SYDE1: variants seen among roughly 807,000 people sequenced by gnomAD.
SYDE1 encodes rho GTPase-activating protein SYDE1.
Under a neutral mutation model 63.3 loss-of-function variants are expected in SYDE1, and 34 were observed. That is an observed-to-expected ratio of 0.54 (90% CI 0.41 to 0.71). SYDE1 has a LOEUF of 0.71. Among genes scored for constraint, SYDE1 ranks in the 30% least tolerant of loss-of-function variants. SYDE1 has a pLI of 0.00. For synonymous variants in SYDE1, 467 were observed against 473.4 expected, an observed-to-expected ratio of 0.99 and a Z score of 0.18; for missense variants, 925 against 1,042.5, an observed-to-expected ratio of 0.89 and a Z score of 1.55.
In SYDE1 at chr19:15,114,061, G is replaced by C; in HGVS notation, c.*98G>C. 1 of 1,288,138 alleles carries C rather than the reference G, an allele frequency of 7.8e-7. No individual in the cohort carries two copies. Among genetic ancestry groups the C allele is most frequent in the Non-Finnish European group, 1.1e-6 (1 of 933,716 alleles). The allele number at this position is 1,288,138 out of a possible 1,614,324, so 79.8% of individuals were successfully genotyped here. On this transcript the variant is annotated 3_prime_UTR_variant, in exon 8 of 8. Transcript: ENST00000342784. ...AAGGAGAGCCAGACCTGTTGCTCAG[G>C]CCGAGCTCCTGGTTGCCAGCGAGTT...
rs1599327140 is a variant in SYDE1, at chr19:15,114,097, C to G, written c.*134C>G. On this transcript the variant is annotated 3_prime_UTR_variant, in exon 8 of 8. Coordinates refer to ENST00000342784, the MANE Select transcript of SYDE1 (RefSeq NM_033025.6). Reference sequence around the variant, plus strand: ...GGTTGCCAGCGAGTTACCACGGGACCAGTCGCGTGTATGGCTGAGACTCAT... The same window carrying G: ...GGTTGCCAGCGAGTTACCACGGGACGAGTCGCGTGTATGGCTGAGACTCAT... 1.6e-5 allele frequency: 14 copies of G among 856,880 alleles called. No individual in the cohort carries two copies. The East Asian group carries it at 2.7e-4, about 17-fold the overall frequency. The allele number at this position is 856,880 out of a possible 1,614,324, so 53.1% of individuals were successfully genotyped here.
rs2046373949 is a variant in SYDE1, at chr19:15,114,716, G to A, written c.*753G>A. The stretch of plus-strand genomic sequence containing the variant: ...GTCAGGCTGGGGGCAGTCTGGTACG[G>A]AACATATTTATTGCCTCCATGCATG... On this transcript the variant is annotated 3_prime_UTR_variant, in exon 8 of 8. Coordinates refer to ENST00000342784, the MANE Select transcript of SYDE1 (RefSeq NM_033025.6). 6.2e-6 allele frequency: 1 copy of A among 161,852 alleles called. No individual in the cohort carries two copies. Among genetic ancestry groups the A allele is most frequent in the South Asian group, 1.7e-4 (1 of 6,010 alleles). The allele number at this position is 161,852 out of a possible 1,614,324, so 10.0% of individuals were successfully genotyped here.
In SYDE1 at chr19:15,111,700, C is replaced by T. The variant is rs374991037; in HGVS notation, c.1486C>T (p.Leu496=). Reference sequence around the variant, plus strand: ...CACCCAGCCCCTGTATAAGGTGGTACTGGAGGCCATGGCCCGGGACCCCCC... The same window carrying T: ...CACCCAGCCCCTGTATAAGGTGGTATTGGAGGCCATGGCCCGGGACCCCCC... The part of the protein sequence containing the change: ...LITQPLYKVV[L]EAMARDPPNR... Residue 496 remains leucine, a synonymous_variant, in exon 6 of 8, where the codon CTG becomes TTG. Transcript: ENST00000342784. The surrounding 1 kb of genome is among the most constrained non-coding windows in gnomAD (Gnocchi z 5.5). 10 of 1,613,370 alleles carry T rather than the reference C, an allele frequency of 6.2e-6. No individual in the cohort carries two copies. The South Asian group carries it at 1.1e-4, about 18-fold the overall frequency.
At position 15,111,624 on chromosome 19, in the gene SYDE1, G is replaced by A; in HGVS notation, c.1418-8G>A. On this transcript the variant is annotated splice_region_variant and splice_polypyrimidine_tract_variant and intron_variant, in intron 5 of 7. Transcript: ENST00000342784. The surrounding 1 kb of genome is among the most constrained non-coding windows in gnomAD (Gnocchi z 5.5). ...GTGCCCTGACCAGAGGGGACCCTGTGTTCACAGGCATCCTCAAGGATTATC... is the reference window on the plus strand; with the variant it reads ...GTGCCCTGACCAGAGGGGACCCTGTATTCACAGGCATCCTCAAGGATTATC... The A allele has an allele frequency of 1.2e-6, 2 of 1,613,722 alleles. No individual in the cohort carries two copies. The highest frequency in any genetic ancestry group is 2.2e-5 in the East Asian group (1 of 44,866).
rs2046341272 is a variant in SYDE1, at chr19:15,110,756, A to G, written c.1290+21A>G. On this transcript the variant is annotated intron_variant, in intron 4 of 7. Coordinates refer to ENST00000342784, the MANE Select transcript of SYDE1 (RefSeq NM_033025.6). This position sits in a 1 kb window ranked among gnomAD's most constrained non-coding sequence, Gnocchi z 6.9. ...TGCGGGTGAGCACCCACCCCACCCC[A>G]ACCCTCTGGCCCCCAGACCTCAGAC... The G allele has an allele frequency of 6.8e-7, 1 of 1,465,158 alleles. No individual in the cohort carries two copies. The highest frequency in any genetic ancestry group is 1.2e-5 in the South Asian group (1 of 80,412). 90.8% of individuals were successfully genotyped at this position (1,465,158 alleles called of 1,614,324 possible).
chr19:15,112,520 G>C lies in SYDE1; in HGVS notation c.1753G>C (p.Asp585His), dbSNP rs1193030246. Reference sequence around the variant, plus strand: ...CGGCCCAGGCCTTGCCAGTGCAGTGGACTTCAAGCACCACATCGAGGTGCT... The same window carrying C: ...CGGCCCAGGCCTTGCCAGTGCAGTGCACTTCAAGCACCACATCGAGGTGCT... ...SSGPGLASAV[D>H]FKHHIEVLHY... Residue 585 changes from aspartate (D) to histidine (H), a missense_variant, in exon 7 of 8, where the codon GAC becomes CAC. Transcript: ENST00000342784. The C allele has an allele frequency of 1.9e-6, 3 of 1,606,248 alleles. No homozygotes were observed. Among genetic ancestry groups the C allele is most frequent in the Non-Finnish European group, 2.5e-6 (3 of 1,176,598 alleles).
chr19:15,107,912 G>A (rs1466922300), intron 1 of SYDE1, among the ~76,000 whole-genome samples: 2 of 152,168 alleles, frequency 1.3e-5, no homozygotes, highest in African/African-American at 2.4e-5. Flanking sequence ...CGCAGGATGG[G>A]AGATGGGAGG....
Position 15,108,013 on chromosome 19 carries a change from G to C in SYDE1, c.88+492G>C, listed in dbSNP as rs1210558638. On this transcript the variant is annotated intron_variant, in intron 1 of 7. Coordinates refer to ENST00000342784, the MANE Select transcript of SYDE1 (RefSeq NM_033025.6). This position sits in a 1 kb window ranked among gnomAD's most constrained non-coding sequence, Gnocchi z 4.3. ...ACCTACTAACAGTGACGGCAACTGCGCCTGCCTTAGCCCCAGGAAACTGTC... is the reference window on the plus strand; with the variant it reads ...ACCTACTAACAGTGACGGCAACTGCCCCTGCCTTAGCCCCAGGAAACTGTC... Among the ~76,000 whole-genome samples the C allele has an allele frequency of 9.9e-5, 15 of 152,158 alleles. No homozygotes were observed.
rs1440907205 is a variant in SYDE1, at chr19:15,108,573, T to C, written c.89-483T>C. ...AATAGAAAACCCAGCTCCTCACTCC[T>C]GAGCACGTAGTGCCTGCTGTGGGCT... On this transcript the variant is annotated intron_variant, in intron 1 of 7. Transcript: ENST00000342784. The surrounding 1 kb of genome is among the most constrained non-coding windows in gnomAD (Gnocchi z 4.3). Among the ~76,000 whole-genome samples the C allele has an allele frequency of 2.6e-5, 4 of 152,158 alleles. No homozygotes were observed. The highest frequency in any genetic ancestry group is 4.4e-5 in the Non-Finnish European group (3 of 68,032).
Position 15,111,331 on chromosome 19 carries a change from CTT to C in SYDE1, c.1311_1312del (p.Cys438TrpfsTer14). ...CCCCCAGGTAGTGGGACTGTACCGTCTTTGTGGCTCAGCGGCAGTGAAGAAAG... is the reference window on the plus strand; with the variant it reads ...CCCCCAGGTAGTGGGACTGTACCGTCTGTGGCTCAGCGGCAGTGAAGAAAG... ...RGLRVVGLYR[L>X]CGSAAVKKEL... On this transcript the variant is annotated frameshift_variant, in exon 5 of 8. Coordinates refer to ENST00000342784, the MANE Select transcript of SYDE1 (RefSeq NM_033025.6). LOFTEE classifies it high-confidence loss of function. This position sits in a 1 kb window ranked among gnomAD's most constrained non-coding sequence, Gnocchi z 5.5. 1 of 1,614,150 alleles carries C rather than the reference CTT, an allele frequency of 6.2e-7. No individual in the cohort carries two copies. Among genetic ancestry groups the C allele is most frequent in the Non-Finnish European group, 8.5e-7 (1 of 1,180,004 alleles).
At chr19:15,113,440 G>C in intron 7 of SYDE1, 120 bp from the exon 8 acceptor site, 1 of 1,221,758 alleles carries the variant, frequency 8.2e-7, no homozygotes, top group Non-Finnish European at 1.1e-6. Flanking sequence ...AGCTCTGCCA[G>C]TGAAAACCTG....
chr19:15,108,885 C>T lies in SYDE1; in HGVS notation c.89-171C>T. ...GGTGCTCTAAGCTGATAACTGAGAT[C>T]GCTAGCCTGTGGCTGCCTATTCCAA... On this transcript the variant is annotated intron_variant, in intron 1 of 7. Transcript: ENST00000342784. The surrounding 1 kb of genome is among the most constrained non-coding windows in gnomAD (Gnocchi z 4.3). The T allele has an allele frequency of 9.2e-7, 1 of 1,086,788 alleles. No homozygotes were observed. The highest frequency in any genetic ancestry group is 1.2e-6 in the Non-Finnish European group (1 of 803,790). The allele number at this position is 1,086,788 out of a possible 1,614,324, so 67.3% of individuals were successfully genotyped here. A position where few individuals can be genotyped will look rare whatever the true frequency, so the allele number is the denominator to read the frequency against.
At position 15,111,536 on chromosome 19, in the gene SYDE1, C is replaced by T. The variant is rs1010522834; in HGVS notation, c.1418-96C>T. On this transcript the variant is annotated intron_variant, in intron 5 of 7. Transcript: ENST00000342784. The surrounding 1 kb of genome is among the most constrained non-coding windows in gnomAD (Gnocchi z 5.5). The stretch of plus-strand genomic sequence containing the variant: ...CTGGGACCTCAGTCCTCCTATCTGA[C>T]CTTGCTTTCACCCACCTCCTCTTCC... 6.3e-7 allele frequency: 1 copy of T among 1,596,762 alleles called. No individual in the cohort carries two copies. The highest frequency in any genetic ancestry group is 1.7e-5 in the Admixed American group (1 of 59,286).
At position 15,114,066 on chromosome 19, in the gene SYDE1, G is replaced by A; in HGVS notation, c.*103G>A. 2 of 1,228,540 alleles carry A rather than the reference G, an allele frequency of 1.6e-6. No individual in the cohort carries two copies. Among genetic ancestry groups the A allele is most frequent in the South Asian group, 1.4e-5 (1 of 69,726 alleles). The allele number at this position is 1,228,540 out of a possible 1,614,324, so 76.1% of individuals were successfully genotyped here. A position where few individuals can be genotyped will look rare whatever the true frequency, so the allele number is the denominator to read the frequency against. ...GAGCCAGACCTGTTGCTCAGGCCGAGCTCCTGGTTGCCAGCGAGTTACCAC... is the reference window on the plus strand; with the variant it reads ...GAGCCAGACCTGTTGCTCAGGCCGAACTCCTGGTTGCCAGCGAGTTACCAC... On this transcript the variant is annotated 3_prime_UTR_variant, in exon 8 of 8. Coordinates refer to ENST00000342784, the MANE Select transcript of SYDE1 (RefSeq NM_033025.6).
Position 15,109,952 on chromosome 19 carries a change from G to A in SYDE1, c.679G>A (p.Ala227Thr). 6 of 1,469,060 alleles carry A rather than the reference G, an allele frequency of 4.1e-6. No individual in the cohort carries two copies. Among genetic ancestry groups the A allele is most frequent in the Non-Finnish European group, 5.4e-6 (6 of 1,118,118 alleles). 91.0% of individuals were successfully genotyped at this position (1,469,060 alleles called of 1,614,324 possible). A position where few individuals can be genotyped will look rare whatever the true frequency, so the allele number is the denominator to read the frequency against. ...AGPGGTRSPR[A>T]GYLSDGDSPE... Reference sequence around the variant, plus strand: ...GCCTGGGGGCACCCGGAGCCCGAGGGCCGGTTACCTCAGCGACGGGGACTC... The same window carrying A: ...GCCTGGGGGCACCCGGAGCCCGAGGACCGGTTACCTCAGCGACGGGGACTC... The change falls in exon 3 of 8, where the codon GCC becomes ACC. Residue 227 changes from alanine (A) to threonine (T), a missense_variant. Physicochemically the swap from Ala to Thr is moderately conservative, Grantham distance 58. This residue lies in a region of SYDE1 where 599 missense variants were observed against 653.7 expected (regional missense o/e 0.92). Transcript: ENST00000342784. This position sits in a 1 kb window ranked among gnomAD's most constrained non-coding sequence, Gnocchi z 5.0.
In SYDE1 at chr19:15,109,161, G is replaced by A. The variant is rs1224559685; in HGVS notation, c.194G>A (p.Arg65Lys). 7 of 1,553,180 alleles carry A rather than the reference G, an allele frequency of 4.5e-6. No individual in the cohort carries two copies. The highest frequency in any genetic ancestry group is 6.1e-6 in the Non-Finnish European group (7 of 1,147,932). ...AEGPSSPEASRSPARGAYLQS... is the reference protein window; with the variant it reads ...AEGPSSPEASKSPARGAYLQS... Reference sequence around the variant, plus strand: ...GGGCCCTCCAGCCCCGAGGCATCAAGGAGCCCTGCACGGGGAGCCTACCTG... The same window carrying A: ...GGGCCCTCCAGCCCCGAGGCATCAAAGAGCCCTGCACGGGGAGCCTACCTG... The change falls in exon 2 of 8, where the codon AGG (arginine) becomes AAG (lysine). Residue 65 changes from arginine to lysine, a missense_variant. By Grantham distance (26) the Arg-to-Lys change is conservative. Around this residue, in one of 3 missense-constraint regions of SYDE1, gnomAD observed 599 missense variants for 653.7 expected, o/e 0.92. Coordinates refer to ENST00000342784, the MANE Select transcript of SYDE1 (RefSeq NM_033025.6). This position sits in a 1 kb window ranked among gnomAD's most constrained non-coding sequence, Gnocchi z 5.0.
At position 15,109,358 on chromosome 19, in the gene SYDE1, CA is replaced by C; in HGVS notation, c.392del (p.Gln131ArgfsTer38). 1 of 1,582,754 alleles carries C rather than the reference CA, an allele frequency of 6.3e-7. No homozygotes were observed. Among genetic ancestry groups the C allele is most frequent in the Non-Finnish European group, 8.6e-7 (1 of 1,163,440 alleles). ...RPPAPEPPGP[Q>X]PGSAESEGLA... ...TCCAGCACCTGAGCCCCCGGGGCCA[CA>C]GCCTGGCTCAGCTGAGTCAGAGGGC... On this transcript the variant is annotated frameshift_variant, in exon 2 of 8. Coordinates refer to ENST00000342784, the MANE Select transcript of SYDE1 (RefSeq NM_033025.6). LOFTEE classifies it high-confidence loss of function. This position sits in a 1 kb window ranked among gnomAD's most constrained non-coding sequence, Gnocchi z 5.0.
chr19:15,110,870 C>T lies in SYDE1; in HGVS notation c.1290+135C>T, dbSNP rs1229625619. ...GCTCCAATCCCAACCTAGACAAGGGCAGAAGGCGCCCCCTTGACTGTAGCA... is the reference window on the plus strand; with the variant it reads ...GCTCCAATCCCAACCTAGACAAGGGTAGAAGGCGCCCCCTTGACTGTAGCA... On this transcript the variant is annotated intron_variant, in intron 4 of 7. Transcript: ENST00000342784. The surrounding 1 kb of genome is among the most constrained non-coding windows in gnomAD (Gnocchi z 6.9). 2.0e-5 allele frequency: 15 copies of T among 767,196 alleles called. No homozygotes were observed. The allele number at this position is 767,196 out of a possible 1,614,324, so 47.5% of individuals were successfully genotyped here.
chr19:15,112,322 T>C, intron 6 of SYDE1, 24 bp from the exon 7 acceptor site: 3 of 1,526,918 alleles, frequency 2.0e-6, no homozygotes, highest in Non-Finnish European at 2.7e-6. Context: ...TTGTCTGACT[T>C]ACATCCTCTC....
Sources: allele counts gnomAD v4.1 joint callset (sites outside exome capture counted in the v4.1 genomes callset), GRCh38; gene constraint gnomAD v4.1.1; regional missense constraint gnomAD v4.1.1; non-coding constraint Gnocchi (gnomAD v3.1); transcripts MANE v1.5; gene names NCBI Gene and HGNC (gene_info 2026-07-23, HGNC 2026-07-21).